RPL27A: variants seen among roughly 807,000 people sequenced by gnomAD.
RPL27A encodes the protein ribosomal protein L27a.
For synonymous variants in RPL27A, 69 were observed against 68.3 expected (o/e 1.01, Z -0.05); for missense variants, 118 against 189.4 (o/e 0.62, Z 2.21).
In RPL27A at chr11:8,687,692, G is replaced by T. The variant is rs1447769446; in HGVS notation, c.*1886G>T. The T allele has an allele frequency of 6.6e-6, 1 of 152,108 alleles. No homozygotes were observed. Among genetic ancestry groups the T allele is most frequent in the African/African-American group, 2.4e-5 (1 of 41,406 alleles). 9.4% of individuals were successfully genotyped at this position (152,108 alleles called of 1,614,324 possible). ...CGCCCAGGCTGGAGTGCAGTGGTGC[G>T]ATCTCAGATCACTGCAAGCTCCGCC... On this transcript the variant is annotated 3_prime_UTR_variant, in exon 5 of 5. Transcript: ENST00000314138.
At position 8,686,144 on chromosome 11, in the gene RPL27A, A is replaced by G. The variant is rs1455395511; in HGVS notation, c.*338A>G. On this transcript the variant is annotated 3_prime_UTR_variant, in exon 5 of 5. Transcript: ENST00000314138. The stretch of plus-strand genomic sequence containing the variant: ...GCTCAAAAGGAAAGATTCCATTTTG[A>G]TGGGTCACATTCTAAAGAGGGGCAG... 4.5e-6 allele frequency: 1 copy of G among 220,896 alleles called. No homozygotes were observed. The highest frequency in any genetic ancestry group is 2.3e-5 in the African/African-American group (1 of 44,224). 13.7% of individuals were successfully genotyped at this position (220,896 alleles called of 1,614,324 possible). A position where few individuals can be genotyped will look rare whatever the true frequency, so the allele number is the denominator to read the frequency against.
chr11:8,683,156 C>T (rs778843586), intron 1 of RPL27A, 46 bp from the exon 2 acceptor site: 1 of 1,574,666 alleles, frequency 6.4e-7, no homozygotes. Context: ...GCATCGCCCC[C>T]TGCCCCTAAT....
rs967398204 is a variant in RPL27A, at chr11:8,686,501, G to A, written c.*695G>A. 7 of 152,146 alleles carry A rather than the reference G, an allele frequency of 4.6e-5. No homozygotes were observed. Among genetic ancestry groups the A allele is most frequent in the African/African-American group, 7.2e-5 (3 of 41,408 alleles). The allele number at this position is 152,146 out of a possible 1,614,324, so 9.4% of individuals were successfully genotyped here. A position where few individuals can be genotyped will look rare whatever the true frequency, so the allele number is the denominator to read the frequency against. On this transcript the variant is annotated 3_prime_UTR_variant, in exon 5 of 5. Transcript: ENST00000314138. ...CCACATCGGCCTCCAAAAGTTCTGGGATTATAGTGTGAGCCACTGCGCCCG... is the reference window on the plus strand; with the variant it reads ...CCACATCGGCCTCCAAAAGTTCTGGAATTATAGTGTGAGCCACTGCGCCCG...
At chr11:8,683,361 C>T in intron 2 of RPL27A, 96 bp downstream of exon 2, 1 of 1,042,410 alleles carries the variant, frequency 9.6e-7, no homozygotes, top group Non-Finnish European at 1.5e-6. Context: ...TAGAATAAGA[C>T]CTTTTTGTGG....
At position 8,686,482 on chromosome 11, in the gene RPL27A, C is replaced by A. The variant is rs1005452314; in HGVS notation, c.*676C>A. The A allele has an allele frequency of 6.6e-6, 1 of 152,172 alleles. No homozygotes were observed. The highest frequency in any genetic ancestry group is 1.5e-5 in the Non-Finnish European group (1 of 68,052). The allele number at this position is 152,172 out of a possible 1,614,324, so 9.4% of individuals were successfully genotyped here. A position where few individuals can be genotyped will look rare whatever the true frequency, so the allele number is the denominator to read the frequency against. Reference sequence around the variant, plus strand: ...CTAACCTCAAGTGATCTGCCCACATCGGCCTCCAAAAGTTCTGGGATTATA... The same window carrying A: ...CTAACCTCAAGTGATCTGCCCACATAGGCCTCCAAAAGTTCTGGGATTATA... On this transcript the variant is annotated 3_prime_UTR_variant, in exon 5 of 5. Coordinates refer to ENST00000314138, the MANE Select transcript of RPL27A (RefSeq NM_000990.5).
chr11:8,685,014 T>A, intron 4 of RPL27A, 122 bp downstream of exon 4: 1 of 986,804 alleles, frequency 1.0e-6, no homozygotes, highest in Non-Finnish European at 1.6e-6. Flanking sequence ...ATTCTTCCTG[T>A]GGTAGAATTA....
Position 8,689,106 on chromosome 11 carries a change from A to C in RPL27A, c.*3300A>C, listed in dbSNP as rs1305278264. On this transcript the variant is annotated 3_prime_UTR_variant, in exon 5 of 5. Coordinates refer to ENST00000314138, the MANE Select transcript of RPL27A (RefSeq NM_000990.5). ...GAGCCGGCCAGTGGTGCGCGAGCGC[A>C]GATAACTCCCCTGGAGAGGCGGGAT... 1 of 152,280 alleles carries C rather than the reference A, an allele frequency of 6.6e-6. No individual in the cohort carries two copies. Among genetic ancestry groups the C allele is most frequent in the African/African-American group, 2.4e-5 (1 of 41,474 alleles). The allele number at this position is 152,280 out of a possible 1,614,324, so 9.4% of individuals were successfully genotyped here.
intron 2 of RPL27A, 43 bp from the exon 3 acceptor site, chr11:8,683,963 A>G (rs1282368501): frequency 2.6e-6 from 4 of 1,530,864 alleles, no homozygotes; most frequent in Non-Finnish European, 3.6e-6. Context: ...GATTACAGGC[A>G]TGAGCCATCA....
Position 8,686,692 on chromosome 11 carries a change from C to G in RPL27A, c.*886C>G, listed in dbSNP as rs1167979573. The G allele has an allele frequency of 1.3e-5, 2 of 152,040 alleles. No individual in the cohort carries two copies. Among genetic ancestry groups the G allele is most frequent in the Non-Finnish European group, 2.9e-5 (2 of 68,034 alleles). The allele number at this position is 152,040 out of a possible 1,614,324, so 9.4% of individuals were successfully genotyped here. ...ATTTTTCTTCTAGTCTGAAATGTAT[C>G]GGGAAAATTTGGAAATCCTGAAGGC... On this transcript the variant is annotated 3_prime_UTR_variant, in exon 5 of 5. Transcript: ENST00000314138.
Position 8,689,265 on chromosome 11 carries a change from A to C in RPL27A, c.*3459A>C, listed in dbSNP as rs1197542624. The C allele has an allele frequency of 1.3e-5, 2 of 152,252 alleles. No individual in the cohort carries two copies. Among genetic ancestry groups the C allele is most frequent in the African/African-American group, 4.8e-5 (2 of 41,462 alleles). The allele number at this position is 152,252 out of a possible 1,614,324, so 9.4% of individuals were successfully genotyped here. ...GGCGTGGCCTTTACGTAAATCTTCGAGATGGGAACCTCCAGAATTTGTCTC... is the reference window on the plus strand; with the variant it reads ...GGCGTGGCCTTTACGTAAATCTTCGCGATGGGAACCTCCAGAATTTGTCTC... On this transcript the variant is annotated 3_prime_UTR_variant, in exon 5 of 5. Coordinates refer to ENST00000314138, the MANE Select transcript of RPL27A (RefSeq NM_000990.5).
chr11:8,683,812 A>G, intron 2 of RPL27A, 194 bp from the exon 3 acceptor site: 2 of 590,742 alleles, frequency 3.4e-6, no homozygotes, highest in South Asian at 3.7e-5. Flanking sequence ...CGAGTAGCTG[A>G]TATTACAGGT....
chr11:8,685,625 C>A lies in RPL27A; in HGVS notation c.319-53C>A, dbSNP rs1470532403. The A allele has an allele frequency of 1.9e-6, 3 of 1,599,298 alleles. No individual in the cohort carries two copies. In the East Asian group the frequency reaches 6.7e-5, roughly 36 times the overall value. On this transcript the variant is annotated intron_variant, in intron 4 of 4. Coordinates refer to ENST00000314138, the MANE Select transcript of RPL27A (RefSeq NM_000990.5). The stretch of plus-strand genomic sequence containing the variant: ...TGGCAGTCTTTCCTCACGCCCATCA[C>A]GCAGTTGGTACCTACTACAGTGTAT...
chr11:8,687,844 G>T lies in RPL27A; in HGVS notation c.*2038G>T, dbSNP rs1210732653. 3.9e-5 allele frequency: 6 copies of T among 152,092 alleles called. No individual in the cohort carries two copies. The highest frequency in any genetic ancestry group is 8.8e-5 in the Non-Finnish European group (6 of 68,044). 9.4% of individuals were successfully genotyped at this position (152,092 alleles called of 1,614,324 possible). A position where few individuals can be genotyped will look rare whatever the true frequency, so the allele number is the denominator to read the frequency against. On this transcript the variant is annotated 3_prime_UTR_variant, in exon 5 of 5. Coordinates refer to ENST00000314138, the MANE Select transcript of RPL27A (RefSeq NM_000990.5). Reference sequence around the variant, plus strand: ...AGGGTTTCACCGTGTTAGCCAGGATGGTCTCGATCTCCTGATCTGCCCGCC... The same window carrying T: ...AGGGTTTCACCGTGTTAGCCAGGATTGTCTCGATCTCCTGATCTGCCCGCC...
intron 3 of RPL27A, 89 bp downstream of exon 3, chr11:8,684,170 C>G (rs1425982460): frequency 2.8e-6 from 3 of 1,070,504 alleles, no homozygotes; most frequent in Non-Finnish European, 4.3e-6. Flanking sequence ...TAGAAGCAAG[C>G]CTTGCCTATT....
At position 8,686,241 on chromosome 11, in the gene RPL27A, C is replaced by CT. The variant is rs1215295333; in HGVS notation, c.*449dup. 491 of 146,214 alleles carry CT rather than the reference C, an allele frequency of 3.4e-3. 1 individual carries two copies. The highest frequency in any genetic ancestry group is 0.011 in the Middle Eastern group (3 of 282). The allele number at this position is 146,214 out of a possible 1,614,324, so 9.1% of individuals were successfully genotyped here. On this transcript the variant is annotated 3_prime_UTR_variant, in exon 5 of 5. Coordinates refer to ENST00000314138, the MANE Select transcript of RPL27A (RefSeq NM_000990.5). Reference sequence around the variant, plus strand: ...AGGTTTTTCCACGTGGCCCCCTCATCTTTTTTTTTTTTTTAAACGGAGTCT... The same window carrying CT: ...AGGTTTTTCCACGTGGCCCCCTCATCTTTTTTTTTTTTTTTAAACGGAGTCT...
Position 8,685,628 on chromosome 11 carries a change from A to G in RPL27A, c.319-50A>G, listed in dbSNP as rs779089172. ...CAGTCTTTCCTCACGCCCATCACGCAGTTGGTACCTACTACAGTGTATTGT... is the reference window on the plus strand; with the variant it reads ...CAGTCTTTCCTCACGCCCATCACGCGGTTGGTACCTACTACAGTGTATTGT... On this transcript the variant is annotated intron_variant, in intron 4 of 4. Coordinates refer to ENST00000314138, the MANE Select transcript of RPL27A (RefSeq NM_000990.5). 1.9e-6 allele frequency: 3 copies of G among 1,606,370 alleles called. No homozygotes were observed. The Admixed American group carries it at 5.0e-5, about 27-fold the overall frequency.
Position 8,689,392 on chromosome 11 carries a change from A to G in RPL27A, c.*3586A>G, listed in dbSNP as rs1389849623. The G allele has an allele frequency of 6.7e-6, 1 of 150,198 alleles. No homozygotes were observed. The highest frequency in any genetic ancestry group is 1.5e-5 in the Non-Finnish European group (1 of 67,712). The allele number at this position is 150,198 out of a possible 1,614,324, so 9.3% of individuals were successfully genotyped here. On this transcript the variant is annotated 3_prime_UTR_variant, in exon 5 of 5. Transcript: ENST00000314138. Reference sequence around the variant, plus strand: ...TGGAAATATTCTAGAAGAACATAAAAGGAATTTCCTCTTAGGAGGTTAGGG... The same window carrying G: ...TGGAAATATTCTAGAAGAACATAAAGGGAATTTCCTCTTAGGAGGTTAGGG...
At chr11:8,684,602 A>T in intron 3 of RPL27A, 116 bp from the exon 4 acceptor site, 1 of 857,010 alleles carries the variant, frequency 1.2e-6, no homozygotes. Flanking sequence ...CATATGCCTG[A>T]CACTGCTCTA....
intron 4 of RPL27A, 45 bp from the exon 5 acceptor site, chr11:8,685,633 G>A (rs1265285875): frequency 1.9e-6 from 3 of 1,609,922 alleles, no homozygotes; most frequent in Non-Finnish European, 2.6e-6. Flanking sequence ...CACGCAGTTG[G>A]TACCTACTAC....
Sources: gnomAD v4.1 joint callset for allele counts on GRCh38, gnomAD v4.1.1 for gene constraint, MANE v1.5 for transcripts, NCBI Gene and HGNC (gene_info 2026-07-23, HGNC 2026-07-21) for gene names.